CNTNAP2: variants seen among roughly 807,000 people sequenced by gnomAD.
CNTNAP2 encodes the protein contactin-associated protein-like 2.
CNTNAP2 carries 98 observed loss-of-function variants against 155.2 expected under a neutral mutation model. The ratio of observed to expected loss-of-function variants is 0.63; its 90% CI spans 0.54 to 0.75. The LOEUF (loss-of-function observed/expected upper bound fraction) is 0.75. CNTNAP2 is among the 30% of genes least tolerant of loss of function. CNTNAP2 has a pLI of 0.00. For missense variants in CNTNAP2, 1,727 were observed against 1,688.1 expected (o/e 1.02, Z -0.40); for synonymous variants, 651 against 631.2 (o/e 1.03, Z -0.47).
intron 13 of CNTNAP2, among the ~76,000 whole-genome samples, chr7:147,762,155 TCA>T (rs72526174): frequency 0.031 from 4,475 of 144,026 alleles, 193 homozygotes; most frequent in East Asian, 0.12. Flanking sequence ...TCTCTCTGTC[TCA>T]CACACACACA....
At chr7:147,945,450 G>A (rs1425129665) in intron 14 of CNTNAP2, among the ~76,000 whole-genome samples, 2 of 152,100 alleles carry the variant, frequency 1.3e-5, no homozygotes, top group Admixed American at 1.3e-4. Flanking sequence ...TCCATCATTT[G>A]CAGTACGAAG....
intron 12 of CNTNAP2, among the ~76,000 whole-genome samples, chr7:147,577,047 T>TA (rs1299703017): frequency 4.6e-5 from 7 of 152,120 alleles, no homozygotes; most frequent in Admixed American, 2.0e-4. Context: ...ACCAACTGTT[T>TA]ATAAAAGAAA....
intron 13 of CNTNAP2, among the ~76,000 whole-genome samples, chr7:147,730,499 G>C (rs1486881726): frequency 6.6e-6 from 1 of 151,756 alleles, no homozygotes. Flanking sequence ...TAATTGTTTT[G>C]GGGAACCATG....
chr7:146,944,795 G>A (rs541586097), intron 3 of CNTNAP2, among the ~76,000 whole-genome samples: 4 of 151,950 alleles, frequency 2.6e-5, no homozygotes, highest in East Asian at 3.9e-4. Context: ...GGAGAATGGC[G>A]TGAACCCAGG....
Position 146,478,292 on chromosome 7 carries a change from G to A in CNTNAP2, c.98-295979G>A, listed in dbSNP as rs115543298. 4.4e-3 allele frequency among the ~76,000 whole-genome samples: 675 copies of A among 152,036 alleles called. 5 individuals carry two copies. The highest frequency in any genetic ancestry group is 0.016 in the African/African-American group (653 of 41,466). On this transcript the variant is annotated intron_variant, in intron 1 of 23. Coordinates refer to ENST00000361727, the MANE Select transcript of CNTNAP2 (RefSeq NM_014141.6). ...GAAACAAAAACCCAGCAAGTAGAAG[G>A]GAATAGTGAGAATAAAGAAAACGAG...
At chr7:146,367,458 A>G (rs1161388113) in intron 1 of CNTNAP2, among the ~76,000 whole-genome samples, 4 of 152,170 alleles carry the variant, frequency 2.6e-5, no homozygotes, top group East Asian at 3.9e-4. Flanking sequence ...TGTACATAAT[A>G]CTACTGTAGA....
At chr7:146,298,542 G>A (rs1800552181) in intron 1 of CNTNAP2, among the ~76,000 whole-genome samples, 1 of 152,186 alleles carries the variant, frequency 6.6e-6, no homozygotes, top group African/African-American at 2.4e-5. Flanking sequence ...CTGAGAAGCT[G>A]AGGGTCATGA....
chr7:146,628,865 A>G (rs1032013840), intron 1 of CNTNAP2, among the ~76,000 whole-genome samples: 1 of 152,106 alleles, frequency 6.6e-6, no homozygotes, highest in African/African-American at 2.4e-5. Flanking sequence ...TGCCCACATT[A>G]CTTGACGGTT....
chr7:146,798,708 A>G (rs545280916), intron 2 of CNTNAP2, among the ~76,000 whole-genome samples: 36 of 152,284 alleles, frequency 2.4e-4, no homozygotes, highest in African/African-American at 7.0e-4. Context: ...ACAACTGACA[A>G]TGTAACTAAT....
intron 1 of CNTNAP2, among the ~76,000 whole-genome samples, chr7:146,734,763 C>G (rs954196412): frequency 1.3e-5 from 2 of 152,138 alleles, no homozygotes; most frequent in Non-Finnish European, 2.9e-5. Context: ...AATTCTGAAA[C>G]TCTGCCATTA....
At chr7:147,546,565 G>A (rs1299027884) in intron 11 of CNTNAP2, among the ~76,000 whole-genome samples, 1 of 152,284 alleles carries the variant, frequency 6.6e-6, no homozygotes, top group East Asian at 1.9e-4. Flanking sequence ...AAAAAAAGTA[G>A]ATATGTACTT....
intron 13 of CNTNAP2, among the ~76,000 whole-genome samples, chr7:147,836,843 A>C (rs1008228379): frequency 2.6e-5 from 4 of 152,240 alleles, no homozygotes; most frequent in Non-Finnish European, 4.4e-5. Context: ...CCAACATATA[A>C]AATTGAAATT....
chr7:147,039,121 C>T (rs1216971220), intron 3 of CNTNAP2, among the ~76,000 whole-genome samples: 1 of 152,064 alleles, frequency 6.6e-6, no homozygotes, highest in East Asian at 1.9e-4. Context: ...CATATAAAAA[C>T]ATATATAACA....
chr7:148,185,096 T>C (rs1425898519), intron 18 of CNTNAP2, among the ~76,000 whole-genome samples: 1 of 152,188 alleles, frequency 6.6e-6, no homozygotes, highest in East Asian at 1.9e-4. Context: ...CTTTTCCCTC[T>C]CAATTGTTGA....
chr7:147,539,024 A>G (rs926604125), intron 11 of CNTNAP2, among the ~76,000 whole-genome samples: 5 of 152,146 alleles, frequency 3.3e-5, no homozygotes, highest in African/African-American at 9.7e-5. Context: ...TTTGGGCTTA[A>G]TGTTGTTTTT....
At chr7:148,275,565 T>C (rs986617620) in intron 21 of CNTNAP2, among the ~76,000 whole-genome samples, 1 of 152,218 alleles carries the variant, frequency 6.6e-6, no homozygotes, top group Admixed American at 6.5e-5. Flanking sequence ...GCTTCATGAC[T>C]CCAGGCAGGG....
chr7:147,552,927 A>C (rs561558649), intron 11 of CNTNAP2, among the ~76,000 whole-genome samples: 38 of 152,308 alleles, frequency 2.5e-4, no homozygotes, highest in African/African-American at 8.2e-4. Context: ...CAGAAGAAAA[A>C]TGACAGTGCA....
chr7:146,526,874 G>C (rs894302311), intron 1 of CNTNAP2, among the ~76,000 whole-genome samples: 3 of 152,040 alleles, frequency 2.0e-5, no homozygotes. Flanking sequence ...AGTTATGTCA[G>C]TTTACGTTGT....
chr7:146,357,899 A>G (rs867113655), intron 1 of CNTNAP2, among the ~76,000 whole-genome samples: 1 of 121,986 alleles, frequency 8.2e-6, no homozygotes, highest in East Asian at 2.1e-4. Context: ...AAGTATACAC[A>G]TAAAAGAATG....
Sources: gnomAD v4.1 joint callset for allele counts (sites outside exome capture counted in the v4.1 genomes callset) on GRCh38, gnomAD v4.1.1 for gene constraint, MANE v1.5 for transcripts, NCBI Gene and HGNC (gene_info 2026-07-23, HGNC 2026-07-21) for gene names.